KIAA1549: variants seen among roughly 807,000 people sequenced by gnomAD.
KIAA1549 encodes UPF0606 protein KIAA1549.
In KIAA1549, 70 loss-of-function variants were observed where a neutral mutation model predicts 156.4. The ratio of observed to expected loss-of-function variants is 0.45; its 90% CI spans 0.37 to 0.55. The LOEUF is 0.55. Among genes scored for constraint, KIAA1549 ranks in the 20% least tolerant of loss-of-function variants. The probability of loss-of-function intolerance (pLI) is 0.00; values close to 1 mark genes in which losing one functional copy is unlikely to be tolerated. For missense variants in KIAA1549, 2,428 were observed against 2,540.9 expected (o/e 0.96, Z 0.96); for synonymous variants, 1,103 against 1,066.4 (o/e 1.03, Z -0.67).
chr7:138,855,680 A>T (rs1810367003), intron 16 of KIAA1549, among the ~76,000 whole-genome samples: 1 of 152,176 alleles, frequency 6.6e-6, no homozygotes. Flanking sequence ...TTCATCAATG[A>T]AACTCGAGAA....
chr7:138,947,530 G>A (rs1813372078), intron 1 of KIAA1549, among the ~76,000 whole-genome samples: 1 of 152,098 alleles, frequency 6.6e-6, no homozygotes, highest in Admixed American at 6.5e-5. Context: ...TATATACTTT[G>A]TTTTGAAATT....
intron 1 of KIAA1549, among the ~76,000 whole-genome samples, chr7:138,933,526 T>C (rs1447148130): frequency 1.3e-5 from 2 of 152,196 alleles, no homozygotes; most frequent in Admixed American, 6.5e-5. Context: ...GTAAAGTCTG[T>C]AGTTTCATTC....
rs1426679313 is a variant in KIAA1549, at chr7:138,918,289, T to A, written c.1337A>T (p.Asp446Val). 1.2e-6 allele frequency: 2 copies of A among 1,613,822 alleles called. No individual in the cohort carries two copies. The highest frequency in any genetic ancestry group is 2.7e-5 in the African/African-American group (2 of 74,894). Residue 446 changes from aspartate (D) to valine (V), a missense_variant, in exon 2 of 20, where the codon GAT (aspartate) becomes GTT (valine). Coordinates refer to ENST00000422774, the MANE Select transcript of KIAA1549 (RefSeq NM_001164665.2). The surrounding 1 kb of genome is among the most constrained non-coding windows in gnomAD (Gnocchi z 4.2). The stretch of plus-strand genomic sequence containing the variant: ...GGTCATGCACAGAGTCTCGGCACCA[T>A]CCCCTGATCCCACGTCTTTCTCCAT... ...SLMEKDVGSG[D>V]GAETLCMTVL...
At chr7:138,869,493 C>A in intron 14 of KIAA1549, 45 bp downstream of exon 14, 1 of 1,471,596 alleles carries the variant, frequency 6.8e-7, no homozygotes, top group Non-Finnish European at 9.3e-7. Flanking sequence ...CCCCGCAGCA[C>A]CTCTGCGCGC....
intron 2 of KIAA1549, among the ~76,000 whole-genome samples, chr7:138,914,023 A>AAAGGAAGGGAGG (rs1812244539): frequency 1.4e-5 from 2 of 144,900 alleles, no homozygotes; most frequent in Non-Finnish European, 3.0e-5. Flanking sequence ...AGGAAGGAAG[A>AAAGGAAGGGAGG]AAGGAAGGGA....
intron 1 of KIAA1549, among the ~76,000 whole-genome samples, chr7:138,941,728 G>A (rs1813189099): frequency 6.6e-6 from 1 of 152,112 alleles, no homozygotes; most frequent in African/African-American, 2.4e-5. Context: ...ACTTCCCCCT[G>A]GGTTAGAGCA....
At chr7:138,916,346 A>T (rs1212765153) in intron 2 of KIAA1549, among the ~76,000 whole-genome samples, 1 of 152,366 alleles carries the variant, frequency 6.6e-6, no homozygotes, top group Non-Finnish European at 1.5e-5. Flanking sequence ...TAGGACAAAG[A>T]TCCTACCAAG....
At chr7:138,851,147 G>GA (rs1305109777) in intron 17 of KIAA1549, among the ~76,000 whole-genome samples, 1 of 151,888 alleles carries the variant, frequency 6.6e-6, no homozygotes, top group Admixed American at 6.6e-5. Context: ...TCTTTTAATT[G>GA]AAATACCTAG....
chr7:138,960,984 C>G (rs1048175167), intron 1 of KIAA1549, among the ~76,000 whole-genome samples: 12 of 152,198 alleles, frequency 7.9e-5, no homozygotes, highest in African/African-American at 2.9e-4. Flanking sequence ...TGTCTTTCCC[C>G]CATGCCCTCA....
At chr7:138,947,237 A>G (rs1210359475) in intron 1 of KIAA1549, among the ~76,000 whole-genome samples, 1 of 152,242 alleles carries the variant, frequency 6.6e-6, no homozygotes, top group East Asian at 1.9e-4. Flanking sequence ...AAGTTAACTT[A>G]CTAGCATCCA....
At chr7:138,920,173 C>T (rs1287008958) in intron 1 of KIAA1549, among the ~76,000 whole-genome samples, 1 of 146,892 alleles carries the variant, frequency 6.8e-6, no homozygotes, top group Admixed American at 6.7e-5. Context: ...ATGCCCTTCC[C>T]AGCTCTCTAC....
rs1005099962 is a variant in KIAA1549, at chr7:138,836,833, T to G, written c.*1073A>C. 1.8e-5 allele frequency: 4 copies of G among 225,554 alleles called. No individual in the cohort carries two copies. The highest frequency in any genetic ancestry group is 8.9e-5 in the African/African-American group (4 of 44,908). The allele number at this position is 225,554 out of a possible 1,614,324, so 14.0% of individuals were successfully genotyped here. A position where few individuals can be genotyped will look rare whatever the true frequency, so the allele number is the denominator to read the frequency against. On this transcript the variant is annotated 3_prime_UTR_variant, in exon 20 of 20. Coordinates refer to ENST00000422774, the MANE Select transcript of KIAA1549 (RefSeq NM_001164665.2). ...ACAGAGAGGCTGAACTGAACTCAATTTCATTTCCAGGCTCTGAACACAGGG... is the reference window on the plus strand; with the variant it reads ...ACAGAGAGGCTGAACTGAACTCAATGTCATTTCCAGGCTCTGAACACAGGG...
At chr7:138,921,886 A>G (rs1221011254) in intron 1 of KIAA1549, among the ~76,000 whole-genome samples, 1 of 152,176 alleles carries the variant, frequency 6.6e-6, no homozygotes, top group Non-Finnish European at 1.5e-5. Flanking sequence ...AAAATAAAAA[A>G]AGGCAGAAAT....
chr7:138,893,108 T>G (rs920466828), intron 10 of KIAA1549, among the ~76,000 whole-genome samples: 1 of 152,242 alleles, frequency 6.6e-6, no homozygotes, highest in Admixed American at 6.5e-5. Flanking sequence ...AGTCAATGTC[T>G]TTGCTCTGAA....
At chr7:138,883,322 T>C (rs1249510216) in intron 10 of KIAA1549, among the ~76,000 whole-genome samples, 5 of 149,662 alleles carry the variant, frequency 3.3e-5, no homozygotes, top group Non-Finnish European at 7.4e-5. Flanking sequence ...TCTTTTTTTT[T>C]TTTTTTTCTT....
intron 1 of KIAA1549, among the ~76,000 whole-genome samples, chr7:138,924,148 G>A (rs1812641931): frequency 6.7e-6 from 1 of 150,140 alleles, no homozygotes; most frequent in Non-Finnish European, 1.5e-5. Flanking sequence ...TACTTATTAT[G>A]ACCACAGTAA....
intron 2 of KIAA1549, among the ~76,000 whole-genome samples, chr7:138,914,644 G>A (rs1419335498): frequency 2.6e-5 from 4 of 152,132 alleles, no homozygotes; most frequent in Non-Finnish European, 4.4e-5. Flanking sequence ...GAAATGAGCC[G>A]ATACTTCCTC....
chr7:138,918,995 C>T lies in KIAA1549; in HGVS notation c.631G>A (p.Gly211Ser). ...GGTTGTCGCGTTGTGTTCTGCCAGC[C>T]CGATGTCACTTCTTCATCTTGTAAA... Reference protein sequence around the residue: ...VSLQDEEVTSGWQNTTRQPAA... With the variant: ...VSLQDEEVTSSWQNTTRQPAA... Residue 211 changes from glycine (G) to serine (S), a missense_variant, in exon 2 of 20, where the codon GGC (glycine) becomes AGC (serine). Gly to Ser is a moderately conservative substitution (Grantham distance 56). This residue lies in a region of KIAA1549 where 893 missense variants were observed against 847.9 expected (regional missense o/e 1.05). Transcript: ENST00000422774. This position sits in a 1 kb window ranked among gnomAD's most constrained non-coding sequence, Gnocchi z 4.2. The T allele has an allele frequency of 1.2e-6, 2 of 1,614,014 alleles. No homozygotes were observed. The highest frequency in any genetic ancestry group is 1.7e-6 in the Non-Finnish European group (2 of 1,179,894).
At chr7:138,868,438 C>A (rs781056894) in intron 14 of KIAA1549, among the ~76,000 whole-genome samples, 1 of 152,036 alleles carries the variant, frequency 6.6e-6, no homozygotes, top group Non-Finnish European at 1.5e-5. Flanking sequence ...TTTTATTATT[C>A]TTTTTTTGAG....
Sources: gnomAD v4.1 joint callset for allele counts (sites outside exome capture counted in the v4.1 genomes callset) on GRCh38, gnomAD v4.1.1 for gene constraint, gnomAD v4.1.1 regional missense constraint, Gnocchi (gnomAD v3.1) non-coding constraint, MANE v1.5 for transcripts, NCBI Gene and HGNC (gene_info 2026-07-23, HGNC 2026-07-21) for gene names.